Variants in SMYD5 observed in about 807,000 individuals in gnomAD.
SMYD5 encodes the protein SMYD family member 5, also known as protein-lysine N-trimethyltransferase SMYD5.
A neutral mutation model predicts 57.4 loss-of-function variants in SMYD5; 35 were observed. The observed-to-expected ratio is 0.61, with a 90% CI of 0.47 to 0.81. SMYD5 has a LOEUF of 0.81. Ranked by LOEUF, SMYD5 falls within the 30% of genes least tolerant of loss-of-function variation. The pLI is 0.00. For missense variants in SMYD5, 471 were observed against 527.9 expected, an observed-to-expected ratio of 0.89 and a Z score of 1.06; for synonymous variants, 198 against 189.7, an observed-to-expected ratio of 1.04 and a Z score of -0.36.
chr2:73,223,225 T>C, intron 8 of SMYD5, 119 bp downstream of exon 8: 1 of 915,738 alleles, frequency 1.1e-6, no homozygotes, highest in Non-Finnish European at 1.8e-6. Context: ...ATCACTGAAC[T>C]GGACACAGTG....
chr2:73,220,620 G>A (rs762326751), intron 3 of SMYD5, 41 bp from the exon 4 acceptor site: 1 of 1,612,354 alleles, frequency 6.2e-7, no homozygotes, highest in Non-Finnish European at 8.5e-7. Context: ...GGTGATTCTA[G>A]GGCCAGATCC....
At chr2:73,224,423 C>T (rs1012952783) in intron 10 of SMYD5, among the ~76,000 whole-genome samples, 2 of 152,120 alleles carry the variant, frequency 1.3e-5, no homozygotes, top group African/African-American at 4.8e-5. Context: ...CTTTTCCAGA[C>T]CTCAGCTTCC....
Sources: allele counts gnomAD v4.1 joint callset (sites outside exome capture counted in the v4.1 genomes callset), GRCh38; gene constraint gnomAD v4.1.1; transcripts MANE v1.5; gene names NCBI Gene and HGNC (gene_info 2026-07-23, HGNC 2026-07-21).